NRXN3: variants seen among roughly 807,000 people sequenced by gnomAD.
NRXN3 encodes neurexin III.
In NRXN3, 32 loss-of-function variants were observed where a neutral mutation model predicts 137.6. The ratio of observed to expected loss-of-function variants is 0.23; its 90% CI spans 0.18 to 0.31. NRXN3 has a LOEUF of 0.31. NRXN3 is among the 10% of genes least tolerant of loss of function. The pLI, the probability that NRXN3 is intolerant of heterozygous loss-of-function variation, is 1.00. For missense variants in NRXN3, 1,574 were observed against 2,062.5 expected, an observed-to-expected ratio of 0.76 and a Z score of 4.59; for synonymous variants, 798 against 784.5, an observed-to-expected ratio of 1.02 and a Z score of -0.29.
At chr14:79,528,769 A>G (rs184827991) in intron 16 of NRXN3, among the ~76,000 whole-genome samples, 29 of 152,252 alleles carry the variant, frequency 1.9e-4, no homozygotes, top group Admixed American at 1.8e-3. Context: ...GCCTTTTGTC[A>G]TGGAAAAAAT....
intron 15 of NRXN3, among the ~76,000 whole-genome samples, chr14:79,206,600 T>C (rs950608766): frequency 1.3e-5 from 2 of 152,220 alleles, no homozygotes; most frequent in Non-Finnish European, 2.9e-5. Flanking sequence ...TTAACTGTTA[T>C]CACCTTTTCT....
intron 16 of NRXN3, among the ~76,000 whole-genome samples, chr14:79,537,762 G>A (rs2097226948): frequency 6.6e-6 from 1 of 152,174 alleles, no homozygotes; most frequent in Non-Finnish European, 1.5e-5. Flanking sequence ...ATGTGTGCAT[G>A]TGTCTTTATA....
At chr14:79,798,624 T>C (rs2099167862) in intron 19 of NRXN3, among the ~76,000 whole-genome samples, 1 of 152,188 alleles carries the variant, frequency 6.6e-6, no homozygotes, top group South Asian at 2.1e-4. Context: ...ATACTAAATC[T>C]CAAATAACTG....
intron 15 of NRXN3, among the ~76,000 whole-genome samples, chr14:79,268,420 G>C (rs931962022): frequency 2.6e-5 from 4 of 152,150 alleles, no homozygotes; most frequent in Admixed American, 2.0e-4. Flanking sequence ...TGGTAGTTCT[G>C]CTTCTCTAGG....
chr14:79,137,436 C>A (rs565365348), intron 15 of NRXN3, among the ~76,000 whole-genome samples: 4 of 85,748 alleles, frequency 4.7e-5, no homozygotes, highest in African/African-American at 2.0e-4. Flanking sequence ...TACACATACA[C>A]CCCGCCTAAA....
At chr14:78,753,475 T>C (rs1312040480) in intron 8 of NRXN3, among the ~76,000 whole-genome samples, 1 of 152,214 alleles carries the variant, frequency 6.6e-6, no homozygotes, top group East Asian at 1.9e-4. Flanking sequence ...CTGAAAGAGC[T>C]TTTAAGAAAA....
At chr14:79,651,705 C>A (rs1171163505) in intron 16 of NRXN3, among the ~76,000 whole-genome samples, 3 of 152,132 alleles carry the variant, frequency 2.0e-5, no homozygotes, top group African/African-American at 7.2e-5. Context: ...GCTCTGTACA[C>A]CTGTGCACAC....
At chr14:79,786,588 A>G (rs2099130102) in intron 19 of NRXN3, among the ~76,000 whole-genome samples, 1 of 152,198 alleles carries the variant, frequency 6.6e-6, no homozygotes, top group Admixed American at 6.5e-5. Context: ...TCTGCATTTA[A>G]AAGTGTTTAG....
Position 79,414,989 on chromosome 14 carries a change from C to A in NRXN3, c.3263-52232C>A, listed in dbSNP as rs542771831. Among the ~76,000 whole-genome samples, 4 of 152,214 alleles carry A rather than the reference C, an allele frequency of 2.6e-5. 1 individual carries two copies. The South Asian group carries it at 8.3e-4, about 32-fold the overall frequency. Reference sequence around the variant, plus strand: ...ATTTCTGTTTCTAGATTATTTTACTCTGCATAATGTCCTCTAGGTTTATCC... The same window carrying A: ...ATTTCTGTTTCTAGATTATTTTACTATGCATAATGTCCTCTAGGTTTATCC... On this transcript the variant is annotated intron_variant, in intron 15 of 20. Coordinates refer to ENST00000335750, the MANE Select transcript of NRXN3 (RefSeq NM_001330195.2).
At chr14:78,698,501 T>A (rs1264412136) in intron 6 of NRXN3, among the ~76,000 whole-genome samples, 1 of 152,000 alleles carries the variant, frequency 6.6e-6, no homozygotes, top group Admixed American at 6.6e-5. Context: ...GTAGAGAGGA[T>A]GAAGGCTCTG....
At chr14:79,454,087 CTTTG>C (rs900520145) in intron 15 of NRXN3, among the ~76,000 whole-genome samples, 5 of 151,510 alleles carry the variant, frequency 3.3e-5, no homozygotes, top group African/African-American at 1.2e-4. Context: ...TGATATGGAA[CTTTG>C]TTTTTTTTTT....
At chr14:79,640,373 GA>G (rs2098426316) in intron 16 of NRXN3, among the ~76,000 whole-genome samples, 1 of 135,478 alleles carries the variant, frequency 7.4e-6, no homozygotes, top group South Asian at 2.3e-4. Context: ...TCTATATTGG[GA>G]GATAAGGTTT....
chr14:78,664,973 T>C (rs1275856300), intron 6 of NRXN3, among the ~76,000 whole-genome samples: 2 of 152,166 alleles, frequency 1.3e-5, no homozygotes. Context: ...TGCCACTCAT[T>C]TACTTATTCA....
intron 4 of NRXN3, among the ~76,000 whole-genome samples, chr14:78,348,047 A>C (rs1298239015): frequency 2.0e-5 from 3 of 152,134 alleles, no homozygotes; most frequent in Non-Finnish European, 4.4e-5. Context: ...TGATGTTCTG[A>C]GAGATTAACT....
At chr14:78,473,634 T>G (rs1223158101) in intron 4 of NRXN3, among the ~76,000 whole-genome samples, 2 of 152,140 alleles carry the variant, frequency 1.3e-5, no homozygotes, top group Non-Finnish European at 2.9e-5. Flanking sequence ...ATAATAAACA[T>G]TTATTGTTAA....
chr14:79,299,114 A>G lies in NRXN3; in HGVS notation c.3263-168107A>G, dbSNP rs536528459. On this transcript the variant is annotated intron_variant, in intron 15 of 20. Transcript: ENST00000335750. ...AAGAAAGAGGCTTATTTATTTATTTATTTATTTGCTTTTGTTTTATCTTTT... is the reference window on the plus strand; with the variant it reads ...AAGAAAGAGGCTTATTTATTTATTTGTTTATTTGCTTTTGTTTTATCTTTT... Among the ~76,000 whole-genome samples the G allele has an allele frequency of 2.6e-4, 39 of 152,314 alleles. 2 individuals are homozygous for G. The South Asian group carries it at 7.7e-3, about 30-fold the overall frequency.
At chr14:79,477,019 C>CG (rs1439878010) in intron 16 of NRXN3, among the ~76,000 whole-genome samples, 1 of 151,718 alleles carries the variant, frequency 6.6e-6, no homozygotes, top group Non-Finnish European at 1.5e-5. Flanking sequence ...AATATCTAGC[C>CG]GGGGGGTAGA....
chr14:78,899,027 G>T (rs1016187282), intron 10 of NRXN3, among the ~76,000 whole-genome samples: 55 of 151,920 alleles, frequency 3.6e-4, no homozygotes, highest in Non-Finnish European at 7.5e-4. Context: ...AACACATTCT[G>T]CCTGTAAGCA....
At chr14:78,288,071 C>T (rs1173936208) in intron 3 of NRXN3, among the ~76,000 whole-genome samples, 2 of 152,024 alleles carry the variant, frequency 1.3e-5, no homozygotes, top group Non-Finnish European at 2.9e-5. Context: ...CCTCTGCCTC[C>T]CAAGTTCAAG....
Sources: gnomAD v4.1 joint callset for allele counts (sites outside exome capture counted in the v4.1 genomes callset) on GRCh38, gnomAD v4.1.1 for gene constraint, MANE v1.5 for transcripts, NCBI Gene and HGNC (gene_info 2026-07-23, HGNC 2026-07-21) for gene names.